The following DCN variants were observed in gnomAD, a reference collection of about 807,000 sequenced individuals.
DCN encodes bone proteoglycan II.
Under a neutral mutation model 36.5 loss-of-function variants are expected in DCN, and 17 were observed. The observed-to-expected ratio is 0.47, with a 90% CI of 0.32 to 0.70. The LOEUF (loss-of-function observed/expected upper bound fraction) is 0.70. Among genes scored for constraint, DCN ranks in the 30% least tolerant of loss-of-function variants. The pLI is 0.04. For synonymous variants in DCN, 163 were observed against 161.4 expected, an observed-to-expected ratio of 1.01 and a Z score of -0.07; for missense variants, 389 against 430.1, an observed-to-expected ratio of 0.90 and a Z score of 0.84.
Position 91,140,565 on chromosome 12 carries a change from T to C in DCN, c.*5493A>G, listed in dbSNP as rs1880725606. ...AAGGCCAAATTGGCCCTGTAAAATGTGTTGCTAACATGTACAGTATGATTG... is the reference window on the plus strand; with the variant it reads ...AAGGCCAAATTGGCCCTGTAAAATGCGTTGCTAACATGTACAGTATGATTG... On this transcript the variant is annotated 3_prime_UTR_variant, in exon 8 of 8. Coordinates refer to ENST00000052754, the MANE Select transcript of DCN (RefSeq NM_001920.5). 6.6e-6 allele frequency: 1 copy of C among 152,184 alleles called. No individual in the cohort carries two copies. The highest frequency in any genetic ancestry group is 2.4e-5 in the African/African-American group (1 of 41,448). The allele number at this position is 152,184 out of a possible 1,614,324, so 9.4% of individuals were successfully genotyped here. A position where few individuals can be genotyped will look rare whatever the true frequency, so the allele number is the denominator to read the frequency against.
chr12:91,178,910 A>G (rs1297717998), intron 1 of DCN, among the ~76,000 whole-genome samples: 1 of 152,140 alleles, frequency 6.6e-6, no homozygotes, highest in East Asian at 1.9e-4. Flanking sequence ...GGGCTTTTCA[A>G]TGCTCACTTA....
At position 91,146,233 on chromosome 12, in the gene DCN, T is replaced by A; in HGVS notation, c.905A>T (p.Asn302Ile). ...ACTTGATCCAACTACAGAGATATTG[T>A]TGTTATGAAGGTAGACAACCTACAA... ...KYIQVVYLHN[N>I]NISVVGSSDF... Residue 302 changes from asparagine (N) to isoleucine (I), a missense_variant, in exon 8 of 8, where the codon AAC (asparagine) becomes ATC (isoleucine). Asn to Ile is a moderately radical substitution (Grantham distance 149, BLOSUM62 -3). Coordinates refer to ENST00000052754, the MANE Select transcript of DCN (RefSeq NM_001920.5). 6.2e-7 allele frequency: 1 copy of A among 1,610,090 alleles called. No homozygotes were observed. Among genetic ancestry groups the A allele is most frequent in the South Asian group, 1.1e-5 (1 of 90,836 alleles).
chr12:91,173,237 A>G (rs1408169258), intron 2 of DCN, among the ~76,000 whole-genome samples: 2 of 152,138 alleles, frequency 1.3e-5, no homozygotes, highest in Non-Finnish European at 2.9e-5. Context: ...TTAGCTAACC[A>G]ATTCCCACCA....
intron 4 of DCN, among the ~76,000 whole-genome samples, chr12:91,157,845 G>A (rs922551014): frequency 6.6e-6 from 1 of 152,074 alleles, no homozygotes; most frequent in Admixed American, 6.5e-5. Flanking sequence ...AGCCAGGATG[G>A]TCTCGATCTC....
chr12:91,163,134 A>C (rs185058774), intron 3 of DCN, among the ~76,000 whole-genome samples: 1 of 152,260 alleles, frequency 6.6e-6, no homozygotes, highest in Admixed American at 6.5e-5. Context: ...ACCACATCAC[A>C]CTCATTCTAC....
rs1242455476 is a variant in DCN at position 91,164,674 on chromosome 12, C to CA, written c.254dup (p.Leu86AlafsTer17). The CA allele has an allele frequency of 1.2e-6, 2 of 1,613,056 alleles. No individual in the cohort carries two copies. Among genetic ancestry groups the CA allele is most frequent in the Non-Finnish European group, 1.7e-6 (2 of 1,179,114 alleles). On this transcript the variant is annotated frameshift_variant, in exon 3 of 8. Coordinates refer to ENST00000052754, the MANE Select transcript of DCN (RefSeq NM_001920.5). LOFTEE classifies it high-confidence loss of function. ...TTATTTTGTTGTTTTGCAGGTCTAG[C>CA]AGAGTTGTGTCAGGGGGAAGATCCT...
intron 5 of DCN, among the ~76,000 whole-genome samples, chr12:91,154,259 C>A (rs1881618230): frequency 6.6e-6 from 1 of 152,094 alleles, no homozygotes; most frequent in Non-Finnish European, 1.5e-5. Context: ...TGTGTTAGAG[C>A]TGCTAGGAAA....
chr12:91,179,425 T>C (rs1883480667), intron 1 of DCN: 1 of 152,268 alleles, frequency 6.6e-6, no homozygotes. Flanking sequence ...CCCTGGCTCA[T>C]CCAGGCAAGA....
At position 91,141,338 on chromosome 12, in the gene DCN, A is replaced by C. The variant is rs986451968; in HGVS notation, c.*4720T>G. Reference sequence around the variant, plus strand: ...TTGGAACGTGCCATGTATTTTCCAAATTCAGGGCCTCTTTTCTTGGCTTGC... The same window carrying C: ...TTGGAACGTGCCATGTATTTTCCAACTTCAGGGCCTCTTTTCTTGGCTTGC... On this transcript the variant is annotated 3_prime_UTR_variant, in exon 8 of 8. Transcript: ENST00000052754. The C allele has an allele frequency of 3.9e-5, 6 of 152,212 alleles. No individual in the cohort carries two copies. The highest frequency in any genetic ancestry group is 5.9e-5 in the Non-Finnish European group (4 of 68,114). 9.4% of individuals were successfully genotyped at this position (152,212 alleles called of 1,614,324 possible).
chr12:91,157,522 T>A (rs972109991), intron 4 of DCN, among the ~76,000 whole-genome samples: 5 of 152,244 alleles, frequency 3.3e-5, no homozygotes, highest in East Asian at 1.9e-4. Flanking sequence ...AATTCCCATC[T>A]TACGTTATTT....
rs542445323 is a variant in DCN at position 91,160,065 on chromosome 12, A to G, written c.325-1556T>C. ...AAACTTCTTATTAAGTAACATAATC[A>G]TTTAACTAATCCTGAAAGATGCATT... On this transcript the variant is annotated intron_variant, in intron 3 of 7. Coordinates refer to ENST00000052754, the MANE Select transcript of DCN (RefSeq NM_001920.5). Among the ~76,000 whole-genome samples, 4 of 152,286 alleles carry G rather than the reference A, an allele frequency of 2.6e-5. No individual in the cohort carries two copies. In the East Asian group the frequency reaches 7.7e-4, roughly 29 times the overall value.
chr12:91,178,661 A>G, intron 1 of DCN, 76 bp from the exon 2 acceptor site: 1 of 864,716 alleles, frequency 1.2e-6, no homozygotes, highest in Non-Finnish European at 2.0e-6. Context: ...ATATGCCACA[A>G]TACAGTGAGC....
chr12:91,164,461 G>GC (rs1491379285), intron 3 of DCN, 144 bp downstream of exon 3: 5 of 274,736 alleles, frequency 1.8e-5, no homozygotes, highest in Admixed American at 7.7e-5. Flanking sequence ...TAAAAAAAAA[G>GC]TAAAAAAAAA....
At position 91,143,700 on chromosome 12, in the gene DCN, GTTAACTAGCTTCCC is replaced by G. The variant is rs1880845374; in HGVS notation, c.*2344_*2357del. On this transcript the variant is annotated 3_prime_UTR_variant, in exon 8 of 8. Coordinates refer to ENST00000052754, the MANE Select transcript of DCN (RefSeq NM_001920.5). ...GGACAAGGAAATGAGTCACAGAAAG[GTTAACTAGCTTCCC>G]TTAGTCATGCAAATAGTAAGTGTCG... 6.6e-6 allele frequency: 1 copy of G among 151,720 alleles called. No homozygotes were observed. Among genetic ancestry groups the G allele is most frequent in the African/African-American group, 2.4e-5 (1 of 41,304 alleles). The allele number at this position is 151,720 out of a possible 1,614,324, so 9.4% of individuals were successfully genotyped here. A position where few individuals can be genotyped will look rare whatever the true frequency, so the allele number is the denominator to read the frequency against.
chr12:91,161,550 T>C (rs932717050), intron 3 of DCN, among the ~76,000 whole-genome samples: 41 of 152,208 alleles, frequency 2.7e-4, no homozygotes, highest in Non-Finnish European at 4.4e-4. Flanking sequence ...ATCAGCTCAT[T>C]CCCGGTGAAA....
chr12:91,153,256 T>C (rs1234608386), intron 5 of DCN, 67 bp from the exon 6 acceptor site: 5 of 898,746 alleles, frequency 5.6e-6, no homozygotes, highest in African/African-American at 1.6e-5. Context: ...GTGGACAAAC[T>C]TAAAGAAGAC....
At chr12:91,165,455 A>T (rs2121252255) in intron 2 of DCN, among the ~76,000 whole-genome samples, 1 of 152,276 alleles carries the variant, frequency 6.6e-6, no homozygotes, top group South Asian at 2.1e-4. Flanking sequence ...TGTAAATGTA[A>T]ATTCATTGAA....
At chr12:91,175,727 AT>A (rs1164053275) in intron 2 of DCN, 2 of 152,156 alleles carry the variant, frequency 1.3e-5, no homozygotes, top group Non-Finnish European at 2.9e-5. Context: ...ACAGATAAGC[AT>A]TAACATTTGC....
At chr12:91,169,402 C>A (rs867264728) in intron 2 of DCN, among the ~76,000 whole-genome samples, 859 of 77,826 alleles carry the variant, frequency 0.011, 5 homozygotes, top group African/African-American at 0.035. Context: ...AAAAAAAAAA[C>A]CAAAAAACAG....
Sources: allele counts gnomAD v4.1 joint callset (sites outside exome capture counted in the v4.1 genomes callset), GRCh38; gene constraint gnomAD v4.1.1; transcripts MANE v1.5; gene names NCBI Gene and HGNC (gene_info 2026-07-23, HGNC 2026-07-21).